Variants in TASP1 observed in about 807,000 individuals in gnomAD.
TASP1 encodes taspase 1.
A neutral mutation model predicts 56.6 loss-of-function variants in TASP1; 16 were observed. The ratio of observed to expected loss-of-function variants is 0.28; its 90% confidence interval spans 0.19 to 0.43. TASP1 has a LOEUF of 0.43. TASP1 is among the 20% of genes least tolerant of loss of function. TASP1 has a pLI of 1.00. For synonymous variants in TASP1, 179 were observed against 184.2 expected, an observed-to-expected ratio of 0.97 and a Z score of 0.23; for missense variants, 393 against 511.6, an observed-to-expected ratio of 0.77 and a Z score of 2.24.
chr20:13,224,927 C>A, the TASP1 span, among the ~76,000 whole-genome samples: 2 of 149,334 alleles, frequency 1.3e-5, no homozygotes. Flanking sequence ...CTCACTGCAA[C>A]CTCCACTTCC....
the TASP1 span, among the ~76,000 whole-genome samples, chr20:13,269,075 G>A: frequency 1.3e-5 from 2 of 152,184 alleles, no homozygotes; most frequent in East Asian, 3.8e-4. Context: ...CTTTGGCTGG[G>A]TCAGAGGCAC....
chr20:13,285,711 G>C, the TASP1 span, among the ~76,000 whole-genome samples: 2 of 152,152 alleles, frequency 1.3e-5, no homozygotes, highest in Admixed American at 1.3e-4. Context: ...TTGGAAAGAG[G>C]AATTATGGGC....
At chr20:13,519,606 C>T (rs988819813) in intron 10 of TASP1, among the ~76,000 whole-genome samples, 17 of 152,032 alleles carry the variant, frequency 1.1e-4, no homozygotes, top group East Asian at 3.9e-4. Flanking sequence ...AAATTAGGTA[C>T]TGATGGGAAG....
the TASP1 span, chr20:13,280,005 C>T: frequency 4.4e-6 from 5 of 1,124,066 alleles, no homozygotes; most frequent in Non-Finnish European, 6.2e-6. Context: ...GGCTTTTGGT[C>T]TTCTGTGAGG....
intron 10 of TASP1, among the ~76,000 whole-genome samples, chr20:13,512,802 T>C (rs2044386137): frequency 6.6e-6 from 1 of 152,240 alleles, no homozygotes; most frequent in Non-Finnish European, 1.5e-5. Context: ...AGGGATCCAG[T>C]TTCAGCCTTC....
chr20:13,408,490 T>C (rs963279453), intron 13 of TASP1, among the ~76,000 whole-genome samples: 1 of 152,168 alleles, frequency 6.6e-6, no homozygotes, highest in Non-Finnish European at 1.5e-5. Flanking sequence ...CTTTGTCAAA[T>C]ACTGAGGTTA....
At chr20:13,486,889 T>C (rs2043337528) in intron 10 of TASP1, among the ~76,000 whole-genome samples, 1 of 152,206 alleles carries the variant, frequency 6.6e-6, no homozygotes, top group Non-Finnish European at 1.5e-5. Flanking sequence ...TACTTAATGA[T>C]GAAACGCTGA....
At chr20:13,442,044 A>G (rs989756286) in intron 11 of TASP1, among the ~76,000 whole-genome samples, 2 of 151,798 alleles carry the variant, frequency 1.3e-5, no homozygotes, top group Non-Finnish European at 1.5e-5. Context: ...CACCCTGTTT[A>G]TTTTACACAT....
At chr20:13,162,676 C>T in the TASP1 span, among the ~76,000 whole-genome samples, 1 of 152,202 alleles carries the variant, frequency 6.6e-6, no homozygotes, top group Admixed American at 6.5e-5. Flanking sequence ...GTGACAGTTG[C>T]TCATTCACCA....
At chr20:13,615,011 A>T (rs1332455127) in intron 4 of TASP1, 2 of 264,996 alleles carry the variant, frequency 7.5e-6, no homozygotes, top group Non-Finnish European at 1.5e-5. Flanking sequence ...ACTCAAGAAG[A>T]ACCTAACAGA....
intron 4 of TASP1, among the ~76,000 whole-genome samples, chr20:13,594,770 AG>A (rs1347407544): frequency 6.6e-6 from 1 of 152,252 alleles, no homozygotes; most frequent in Non-Finnish European, 1.5e-5. Context: ...TCAAAGTGAC[AG>A]GCAGAATGGA....
chr20:13,591,750 T>C (rs2147286696), intron 4 of TASP1, among the ~76,000 whole-genome samples: 1 of 152,254 alleles, frequency 6.6e-6, no homozygotes, highest in Non-Finnish European at 1.5e-5. Context: ...TAACAATGTA[T>C]CATGGGGTTT....
chr20:13,195,132 G>A, the TASP1 span, among the ~76,000 whole-genome samples: 9 of 152,084 alleles, frequency 5.9e-5, no homozygotes, highest in Admixed American at 5.2e-4. Context: ...TAAATATTAG[G>A]TGACTATTAC....
At chr20:13,253,612 G>A in the TASP1 span, among the ~76,000 whole-genome samples, 1 of 152,120 alleles carries the variant, frequency 6.6e-6, no homozygotes, top group African/African-American at 2.4e-5. Context: ...AACACCTGCT[G>A]CTGGGCCCCA....
the TASP1 span, among the ~76,000 whole-genome samples, chr20:13,206,111 G>A: frequency 7.2e-5 from 11 of 152,242 alleles, no homozygotes; most frequent in African/African-American, 2.6e-4. Flanking sequence ...AGGTGATACG[G>A]GACATTGGCA....
chr20:13,553,379 T>G (rs1390654708), intron 8 of TASP1, among the ~76,000 whole-genome samples: 1 of 152,222 alleles, frequency 6.6e-6, no homozygotes, highest in Non-Finnish European at 1.5e-5. Context: ...AAGTATGGAC[T>G]GTCTGTATAC....
the TASP1 span, among the ~76,000 whole-genome samples, chr20:13,379,170 C>A: frequency 6.6e-6 from 1 of 152,120 alleles, no homozygotes; most frequent in Non-Finnish European, 1.5e-5. Flanking sequence ...TTCATAGGGT[C>A]AATGGTCTTT....
Position 13,534,147 on chromosome 20 carries a change from G to A in TASP1, c.676-6C>T, listed in dbSNP as rs1460667470. 5 of 1,613,036 alleles carry A rather than the reference G, an allele frequency of 3.1e-6. No individual in the cohort carries two copies. The highest frequency in any genetic ancestry group is 4.2e-6 in the Non-Finnish European group (5 of 1,179,502). ...AAAGTGCCTGAGTCATTTTCCTGCA[G>A]AGCAAAAGTGGCACAAGTATTCACT... On this transcript the variant is annotated splice_polypyrimidine_tract_variant and splice_region_variant and intron_variant, in intron 8 of 13. Coordinates refer to ENST00000337743, the MANE Select transcript of TASP1 (RefSeq NM_017714.3).
Position 13,638,368 on chromosome 20 carries a change from C to G in TASP1, c.-75+526G>C, listed in dbSNP as rs183331784. Among the ~76,000 whole-genome samples the G allele has an allele frequency of 2.0e-4, 31 of 152,122 alleles. No individual in the cohort carries two copies. In the East Asian group the frequency reaches 4.3e-3, roughly 21 times the overall value. On this transcript the variant is annotated intron_variant, in intron 1 of 13. Coordinates refer to ENST00000337743, the MANE Select transcript of TASP1 (RefSeq NM_017714.3). ...ACATCTCTAGCTCCTGCTTTCCCCC[C>G]CTCCTCTCCAGCTGCTCCATCTTCT...
Sources: allele counts gnomAD v4.1 joint callset (sites outside exome capture counted in the v4.1 genomes callset), GRCh38; gene constraint gnomAD v4.1.1; transcripts MANE v1.5; gene names NCBI Gene and HGNC (gene_info 2026-07-23, HGNC 2026-07-21).